The following CSMD1 variants were observed in gnomAD, a reference collection of about 807,000 sequenced individuals.
CSMD1 encodes the protein CUB and Sushi multiple domains 1.
In CSMD1, 213 loss-of-function variants were observed where a neutral mutation model predicts 417.5. The ratio of observed to expected loss-of-function variants is 0.51; its 90% CI spans 0.46 to 0.57. CSMD1 has a LOEUF of 0.57. CSMD1 is among the 20% of genes least tolerant of loss of function. CSMD1 has a pLI of 0.00. For synonymous variants in CSMD1, 2,862 were observed against 1,736.8 expected, an observed-to-expected ratio of 1.65 and a Z score of -16.11; for missense variants, 6,923 against 4,529.7, an observed-to-expected ratio of 1.53 and a Z score of -15.17.
In CSMD1 at chr8:3,520,039, T is replaced by TATACAC. The variant is rs545212684; in HGVS notation, c.1345-26314_1345-26313insGTGTAT. On this transcript the variant is annotated intron_variant, in intron 10 of 69. Coordinates refer to ENST00000635120, the MANE Select transcript of CSMD1 (RefSeq NM_033225.6). ...ATATACCTATATATATATATATATA[T>TATACAC]ACACGTATAGTTGTGAAACTTGCTC... Among the ~76,000 whole-genome samples the TATACAC allele has an allele frequency of 5.1e-4, 75 of 147,184 alleles. 2 individuals are homozygous for TATACAC. Among genetic ancestry groups the TATACAC allele is most frequent in the African/African-American group, 1.9e-3 (74 of 38,742 alleles).
chr8:3,612,722 A>C (rs1311993940), intron 8 of CSMD1, among the ~76,000 whole-genome samples: 1 of 152,140 alleles, frequency 6.6e-6, no homozygotes, highest in Admixed American at 6.5e-5. Flanking sequence ...ATGTAATTCA[A>C]GCTGCAGGAA....
chr8:4,779,894 CTTTTTCT>C (rs1036986529), intron 1 of CSMD1, among the ~76,000 whole-genome samples: 1 of 151,886 alleles, frequency 6.6e-6, no homozygotes, highest in Admixed American at 6.6e-5. Context: ...CGGGGCCTTG[CTTTTTCT>C]TTTTTCTTTT....
At position 3,596,031 on chromosome 8, in the gene CSMD1, C is replaced by G. The variant is rs118035838; in HGVS notation, c.1098-9771G>C. ...TTTATCAGGGCTTTGAGGAGAGCAA[C>G]GTCAGTGCCTATTTTCCACGTGGGC... On this transcript the variant is annotated intron_variant, in intron 8 of 69. Coordinates refer to ENST00000635120, the MANE Select transcript of CSMD1 (RefSeq NM_033225.6). Among the ~76,000 whole-genome samples, 266 of 149,760 alleles carry G rather than the reference C, an allele frequency of 1.8e-3. 5 individuals are homozygous for G. The East Asian group carries it at 0.045, about 26-fold the overall frequency.
chr8:4,165,899 C>T (rs1226193480), intron 3 of CSMD1, among the ~76,000 whole-genome samples: 1 of 152,218 alleles, frequency 6.6e-6, no homozygotes, highest in African/African-American at 2.4e-5. Context: ...CTGTGCCTAG[C>T]ACAGTATCAG....
chr8:4,785,801 C>T (rs972584365), intron 1 of CSMD1, among the ~76,000 whole-genome samples: 1 of 152,074 alleles, frequency 6.6e-6, no homozygotes, highest in Non-Finnish European at 1.5e-5. Flanking sequence ...ATAAGTGTTG[C>T]CCAGACTCGT....
chr8:4,544,064 A>C (rs759437838), intron 2 of CSMD1, among the ~76,000 whole-genome samples: 2 of 152,058 alleles, frequency 1.3e-5, no homozygotes, highest in Non-Finnish European at 2.9e-5. Flanking sequence ...TACTTTTCCC[A>C]GTCTGTGGCT....
chr8:3,895,411 T>C (rs934095108), intron 5 of CSMD1, among the ~76,000 whole-genome samples: 8 of 152,166 alleles, frequency 5.3e-5, no homozygotes, highest in African/African-American at 1.7e-4. Context: ...TGTGGGTTTC[T>C]GTGGCCCTAT....
At chr8:3,462,876 G>C (rs1585201719) in intron 12 of CSMD1, among the ~76,000 whole-genome samples, 1 of 152,140 alleles carries the variant, frequency 6.6e-6, no homozygotes, top group South Asian at 2.1e-4. Context: ...AAATTTGATG[G>C]TTTTCAGAGA....
intron 5 of CSMD1, among the ~76,000 whole-genome samples, chr8:3,872,927 A>C (rs912742098): frequency 5.3e-5 from 8 of 152,158 alleles, no homozygotes; most frequent in Non-Finnish European, 1.2e-4. Context: ...TAAGACATAC[A>C]TGTGGCCAAC....
Position 3,790,942 on chromosome 8 carries a change from C to G in CSMD1, c.819-36900G>C, listed in dbSNP as rs1585003275. Among the ~76,000 whole-genome samples, 3 of 152,240 alleles carry G rather than the reference C, an allele frequency of 2.0e-5. No individual in the cohort carries two copies. The South Asian group carries it at 6.2e-4, about 32-fold the overall frequency. On this transcript the variant is annotated intron_variant, in intron 5 of 69. Coordinates refer to ENST00000635120, the MANE Select transcript of CSMD1 (RefSeq NM_033225.6). ...CCTAAGAGCAACAGATGACACCTGT[C>G]ATTTTAACTCACAGGAAAGATGGTC...
rs139907909 is a variant in CSMD1, at chr8:4,112,170, G to C, written c.416-80071C>G. Among the ~76,000 whole-genome samples, 1,156 of 152,282 alleles carry C rather than the reference G, an allele frequency of 7.6e-3. 14 individuals carry two copies. Among genetic ancestry groups the C allele is most frequent in the African/African-American group, 0.026 (1,086 of 41,560 alleles). ...ATCCAGAGCTTAAAAGAGCTGGGCA[G>C]TCTATAGCTGCTGAGCCATAATTAT... is the stretch of plus-strand genomic sequence containing the variant. On this transcript the variant is annotated intron_variant, in intron 3 of 69. Coordinates refer to ENST00000635120, the MANE Select transcript of CSMD1 (RefSeq NM_033225.6).
intron 12 of CSMD1, among the ~76,000 whole-genome samples, chr8:3,445,133 A>T (rs1366871858): frequency 2.6e-5 from 4 of 152,246 alleles, no homozygotes; most frequent in Non-Finnish European, 4.4e-5. Flanking sequence ...AAACTAATAT[A>T]CTTACAACCT....
intron 20 of CSMD1, among the ~76,000 whole-genome samples, chr8:3,362,445 C>CT (rs781713177): frequency 1.3e-5 from 2 of 152,134 alleles, no homozygotes; most frequent in Non-Finnish European, 2.9e-5. Flanking sequence ...TGAATGCTCT[C>CT]TTTTTTCTCC....
chr8:3,414,705 T>C (rs916443886), intron 12 of CSMD1, among the ~76,000 whole-genome samples: 1 of 152,170 alleles, frequency 6.6e-6, no homozygotes, highest in Non-Finnish European at 1.5e-5. Flanking sequence ...CTAGGACATA[T>C]CTCGTTAGTT....
At chr8:4,081,662 A>C (rs909448918) in intron 3 of CSMD1, among the ~76,000 whole-genome samples, 11 of 152,216 alleles carry the variant, frequency 7.2e-5, no homozygotes, top group African/African-American at 2.7e-4. Context: ...TATGCTACAC[A>C]ATGCAACAAT....
chr8:3,251,708 C>G lies in CSMD1; in HGVS notation c.4154-21477G>C, dbSNP rs189496169. ...TTCCTACCCATGAGCATGGAATGTT[C>G]TTCCATTTGTTTGTCTCCTTTTTTA... On this transcript the variant is annotated intron_variant, in intron 26 of 69. Coordinates refer to ENST00000635120, the MANE Select transcript of CSMD1 (RefSeq NM_033225.6). 5.3e-5 allele frequency among the ~76,000 whole-genome samples: 8 copies of G among 152,238 alleles called. No homozygotes were observed. The East Asian group carries it at 1.4e-3, about 26-fold the overall frequency.
chr8:4,140,080 C>T (rs1037030580), intron 3 of CSMD1, among the ~76,000 whole-genome samples: 3 of 151,020 alleles, frequency 2.0e-5, no homozygotes, highest in East Asian at 3.9e-4. Context: ...TAGCCAGGTA[C>T]AGTTACTCAT....
At chr8:4,722,099 G>A (rs1337367340) in intron 1 of CSMD1, among the ~76,000 whole-genome samples, 1 of 152,072 alleles carries the variant, frequency 6.6e-6, no homozygotes, top group Non-Finnish European at 1.5e-5. Flanking sequence ...TATATAGCAT[G>A]AAAACTATAG....
chr8:3,284,268 G>A lies in CSMD1; in HGVS notation c.4029C>T (p.Ile1343=). Reference sequence around the variant, plus strand: ...CGGAGCCACTCCACTCCTTCAGCAGGATGTCACTGTCCACCGGCCCGTCCC... The same window carrying A: ...CGGAGCCACTCCACTCCTTCAGCAGAATGTCACTGTCCACCGGCCCGTCCC... ...KVWDGPVDSD[I]LLKEWSGSAL... is the part of the protein sequence containing the mutation. Residue 1343 remains isoleucine (I), a synonymous_variant, in exon 26 of 70, where the codon ATC becomes ATT. Coordinates refer to ENST00000635120, the MANE Select transcript of CSMD1 (RefSeq NM_033225.6). The A allele has an allele frequency of 6.2e-7, 1 of 1,613,924 alleles. No individual in the cohort carries two copies. The highest frequency in any genetic ancestry group is 1.1e-5 in the South Asian group (1 of 91,060).
Sources: allele counts gnomAD v4.1 joint callset (sites outside exome capture counted in the v4.1 genomes callset), GRCh38; gene constraint gnomAD v4.1.1; transcripts MANE v1.5; gene names NCBI Gene and HGNC (gene_info 2026-07-23, HGNC 2026-07-21).